Variants in CDH23 observed in about 807,000 individuals in gnomAD.
CDH23 encodes cadherin related 23, also known as cadherin-23.
Under a neutral mutation model 317.1 loss-of-function variants are expected in CDH23, and 189 were observed. The ratio of observed to expected loss-of-function variants is 0.60; its 90% confidence interval spans 0.53 to 0.67. The LOEUF is 0.67. Among genes scored for constraint, CDH23 ranks in the 30% least tolerant of loss-of-function variants. The pLI is 0.00. For missense variants in CDH23, 4,401 were observed against 4,592.4 expected (o/e 0.96, Z 1.20); for synonymous variants, 1,839 against 1,876.8 (o/e 0.98, Z 0.52).
chr10:71,732,772 A>T (rs1839433641), intron 32 of CDH23: 4 of 996,052 alleles, frequency 4.0e-6, no homozygotes, highest in Non-Finnish European at 4.9e-6. Context: ...CCCATCACAG[A>T]TCCTTCACCT....
intron 11 of CDH23, among the ~76,000 whole-genome samples, chr10:71,639,816 A>G (rs1358182532): frequency 1.3e-5 from 2 of 152,132 alleles, no homozygotes; most frequent in Non-Finnish European, 2.9e-5. Flanking sequence ...GGGGTTTTGC[A>G]CCAACTTAGC....
intron 6 of CDH23, among the ~76,000 whole-genome samples, chr10:71,551,603 C>T (rs1856600891): frequency 6.6e-6 from 1 of 152,058 alleles, no homozygotes; most frequent in South Asian, 2.1e-4. Flanking sequence ...AGACCATGGC[C>T]ATCCTAGGAA....
chr10:71,752,881 T>C, intron 38 of CDH23: 1 of 1,431,348 alleles, frequency 7.0e-7, no homozygotes, highest in Non-Finnish European at 9.6e-7. Context: ...CCAGCTGCTC[T>C]AGGCAGCTAA....
intron 11 of CDH23, among the ~76,000 whole-genome samples, chr10:71,631,704 C>T (rs1862021290): frequency 6.6e-6 from 1 of 152,196 alleles, no homozygotes; most frequent in African/African-American, 2.4e-5. Flanking sequence ...GCCTCCAGAG[C>T]CCTCCTCTTG....
chr10:71,535,205 A>G (rs1855629191), intron 6 of CDH23, among the ~76,000 whole-genome samples: 1 of 152,216 alleles, frequency 6.6e-6, no homozygotes, highest in Non-Finnish European at 1.5e-5. Flanking sequence ...GAGCGGGTGG[A>G]TGGTGCTTGT....
chr10:71,719,262 C>A (rs11812858), intron 28 of CDH23, among the ~76,000 whole-genome samples: 1 of 152,120 alleles, frequency 6.6e-6, no homozygotes, highest in East Asian at 1.9e-4. Context: ...CCAGCTAGTA[C>A]TGGGAGAGGA....
chr10:71,790,172 C>A, intron 45 of CDH23, 116 bp from the exon 46 acceptor site: 2 of 1,420,470 alleles, frequency 1.4e-6, no homozygotes, highest in Admixed American at 2.1e-5. Flanking sequence ...CCCTGTCCAC[C>A]TCACCTCCCT....
rs750517581 is a variant in CDH23 at position 71,815,080 on chromosome 10, G to A, written c.9867G>A (p.Thr3289=). The part of the protein sequence containing the change: ...PDGIHVVHGS[T]GTLLATDLNS... ...GGATCCATGTGGTGCACGGCAGCAC[G>A]GGCACGCTGCTGGCCACCGACCTCA... The change falls in exon 70 of 70, where the codon ACG becomes ACA. Residue 3289 remains threonine (T), a synonymous_variant. Transcript: ENST00000224721. 32 of 1,611,200 alleles carry A rather than the reference G, an allele frequency of 2.0e-5. No individual in the cohort carries two copies. The highest frequency in any genetic ancestry group is 8.9e-5 in the East Asian group (4 of 44,812).
rs185402987 is a variant in CDH23 at position 71,523,554 on chromosome 10, C to T, written c.429+12342C>T. ...GTGCTGGCGATTACAGACATTTCCA[C>T]GGAGCCACACTCGGGAGGCACGGGT... On this transcript the variant is annotated intron_variant, in intron 6 of 69. Transcript: ENST00000224721. Among the ~76,000 whole-genome samples, 920 of 152,230 alleles carry T rather than the reference C, an allele frequency of 6.0e-3. 4 individuals carry two copies. The highest frequency in any genetic ancestry group is 0.014 in the Middle Eastern group (4 of 294).
Position 71,810,176 on chromosome 10 carries a change from G to A in CDH23, c.8979+100G>A, listed in dbSNP as rs969158197. 16 of 1,413,396 alleles carry A rather than the reference G, an allele frequency of 1.1e-5. No homozygotes were observed. In the African/African-American group the frequency reaches 1.7e-4, roughly 15 times the overall value. 87.6% of individuals were successfully genotyped at this position (1,413,396 alleles called of 1,614,324 possible). A position where few individuals can be genotyped will look rare whatever the true frequency, so the allele number is the denominator to read the frequency against. ...GGGCATTGTGCAAAGGCCAGGGCGTGAAAGGCAGTATAGTCCCTACTTAGT... is the reference window on the plus strand; with the variant it reads ...GGGCATTGTGCAAAGGCCAGGGCGTAAAAGGCAGTATAGTCCCTACTTAGT... On this transcript the variant is annotated intron_variant, in intron 61 of 69. Transcript: ENST00000224721.
rs541133778 is a variant in CDH23 at position 71,467,617 on chromosome 10, C to T, written c.145+21222C>T. On this transcript the variant is annotated intron_variant, in intron 3 of 69. Transcript: ENST00000224721. ...CTGGGGGGTTCAAATCTGACTCTGC[C>T]GCCACCACCTGTGTGCCTTTAGACA... Among the ~76,000 whole-genome samples, 331 of 152,238 alleles carry T rather than the reference C, an allele frequency of 2.2e-3. 5 individuals are homozygous for T. The highest frequency in any genetic ancestry group is 1.4e-3 in the Non-Finnish European group (96 of 68,022).
chr10:71,799,313 C>A, intron 51 of CDH23, 33 bp downstream of exon 51: 2 of 1,613,776 alleles, frequency 1.2e-6, no homozygotes, highest in Non-Finnish European at 8.5e-7. Flanking sequence ...GGGTCCAGGA[C>A]CTGCGCCCAT....
Position 71,675,101 on chromosome 10 carries a change from C to CG in CDH23, c.1450-10dup, listed in dbSNP as rs1222175183. 4 of 1,613,372 alleles carry CG rather than the reference C, an allele frequency of 2.5e-6. No homozygotes were observed. The highest frequency in any genetic ancestry group is 3.4e-6 in the Non-Finnish European group (4 of 1,179,360). On this transcript the variant is annotated splice_polypyrimidine_tract_variant and intron_variant, in intron 14 of 69. Transcript: ENST00000224721. ...CCTGGCAGTAATGACTTCTTGTTCT[C>CG]GCTGTTGCAGGCAACTGACAATGAT...
At chr10:71,785,565 A>C (rs1490195922) in intron 43 of CDH23, 66 bp from the exon 44 acceptor site, 13 of 1,068,690 alleles carry the variant, frequency 1.2e-5, no homozygotes, top group Non-Finnish European at 1.8e-5. Flanking sequence ...AGCAGTTGGC[A>C]TCTGTGGGCC....
intron 3 of CDH23, among the ~76,000 whole-genome samples, chr10:71,455,233 C>T (rs566112515): frequency 6.6e-6 from 1 of 152,246 alleles, no homozygotes; most frequent in South Asian, 2.1e-4. Context: ...ACCCTTCACC[C>T]AGCTCCCCAT....
intron 12 of CDH23, among the ~76,000 whole-genome samples, chr10:71,645,338 C>A (rs1189381031): frequency 6.6e-6 from 1 of 152,230 alleles, no homozygotes; most frequent in Non-Finnish European, 1.5e-5. Context: ...GTTCTCCCTG[C>A]TGGACACGTT....
intron 6 of CDH23, among the ~76,000 whole-genome samples, chr10:71,530,538 A>AT (rs1217206329): frequency 1.3e-5 from 2 of 152,194 alleles, no homozygotes; most frequent in Non-Finnish European, 2.9e-5. Context: ...CTGGCATGGC[A>AT]TCGGGGGGCA....
intron 26 of CDH23, 95 bp from the exon 27 acceptor site, chr10:71,709,003 C>T: frequency 1.8e-6 from 2 of 1,105,782 alleles, no homozygotes; most frequent in South Asian, 2.6e-5. Flanking sequence ...CTCCTGGACT[C>T]ACCATCGCGG....
At chr10:71,654,043 C>T (rs993575054) in intron 14 of CDH23, among the ~76,000 whole-genome samples, 54 of 152,060 alleles carry the variant, frequency 3.6e-4, no homozygotes, top group African/African-American at 1.1e-3. Context: ...TGCTCAACCC[C>T]GGGAAGCCAA....
Sources: allele counts gnomAD v4.1 joint callset (sites outside exome capture counted in the v4.1 genomes callset), GRCh38; gene constraint gnomAD v4.1.1; transcripts MANE v1.5; gene names NCBI Gene and HGNC (gene_info 2026-07-23, HGNC 2026-07-21).